CCDC3: variants seen among roughly 807,000 people sequenced by gnomAD.
CCDC3 encodes coiled-coil domain-containing protein 3.
Under a neutral mutation model 21.4 loss-of-function variants are expected in CCDC3, and 24 were observed. The observed-to-expected ratio is 1.12, with a 90% CI of 0.81 to 1.58. The LOEUF is 1.58. Ranked by LOEUF, CCDC3 falls within the 40% of genes most tolerant of loss-of-function variation. CCDC3 has a pLI of 0.00. For synonymous variants in CCDC3, 186 were observed against 166.0 expected (o/e 1.12, Z -0.93); for missense variants, 425 against 360.9 (o/e 1.18, Z -1.44).
intron 4 of CCDC3, among the ~76,000 whole-genome samples, chr10:13,052,985 CATACACACACACA>C (rs1836631886): frequency 2.5e-5 from 2 of 80,118 alleles, no homozygotes; most frequent in African/African-American, 1.0e-4. Flanking sequence ...CACACACACA[CATACACACACACA>C]CCTAGAAGTT....
At chr10:13,081,657 T>A (rs1837040473) in intron 3 of CCDC3, among the ~76,000 whole-genome samples, 1 of 152,224 alleles carries the variant, frequency 6.6e-6, no homozygotes, top group Admixed American at 6.5e-5. Flanking sequence ...TTACTACTTT[T>A]AATGCCTGTT....
At chr10:12,957,629 T>C (rs954970855) in intron 2 of CCDC3, among the ~76,000 whole-genome samples, 7 of 152,286 alleles carry the variant, frequency 4.6e-5, no homozygotes, top group African/African-American at 7.2e-5. Context: ...GTCCTCACGA[T>C]AGTGAGAGTT....
intron 3 of CCDC3, among the ~76,000 whole-genome samples, chr10:13,091,690 C>A (rs1315633950): frequency 1.3e-5 from 2 of 152,126 alleles, no homozygotes; most frequent in Non-Finnish European, 2.9e-5. Flanking sequence ...GTTCTCTCCC[C>A]TCCATCTGCA....
intron 2 of CCDC3, among the ~76,000 whole-genome samples, chr10:12,941,198 A>G (rs1464223093): frequency 6.6e-5 from 10 of 152,212 alleles, no homozygotes; most frequent in Admixed American, 5.9e-4. Context: ...CCTCACTGCT[A>G]CACTCCCACC....
chr10:12,898,734 C>T (rs1015275419), intron 2 of CCDC3, 55 bp from the exon 3 acceptor site: 66 of 1,579,564 alleles, frequency 4.2e-5, no homozygotes, highest in Middle Eastern at 3.4e-4. Context: ...AACTGCGCTG[C>T]GGCCAGGGGA....
chr10:12,969,924 G>A (rs1374628751), intron 2 of CCDC3, among the ~76,000 whole-genome samples: 1 of 151,868 alleles, frequency 6.6e-6, no homozygotes, highest in Non-Finnish European at 1.5e-5. Flanking sequence ...TAGAAACAGA[G>A]GATAAGACAG....
chr10:12,899,154 C>T (rs1054171310), intron 2 of CCDC3, among the ~76,000 whole-genome samples: 5 of 152,076 alleles, frequency 3.3e-5, no homozygotes, highest in African/African-American at 1.2e-4. Flanking sequence ...CAAAAACAGA[C>T]TCTCTTTGCT....
intron 4 of CCDC3, among the ~76,000 whole-genome samples, chr10:13,063,925 G>C (rs529962101): frequency 1.3e-5 from 2 of 148,756 alleles, no homozygotes; most frequent in African/African-American, 2.5e-5. Flanking sequence ...TTTTTTTGTT[G>C]TTGTTGATGT....
At chr10:13,052,973 CA>C (rs1836630250) in intron 4 of CCDC3, among the ~76,000 whole-genome samples, 2 of 88,216 alleles carry the variant, frequency 2.3e-5, no homozygotes, top group African/African-American at 8.7e-5. Flanking sequence ...CACACACACA[CA>C]CACACACACA....
intron 2 of CCDC3, among the ~76,000 whole-genome samples, chr10:12,968,558 G>A (rs543645124): frequency 6.6e-6 from 1 of 152,186 alleles, no homozygotes; most frequent in African/African-American, 2.4e-5. Flanking sequence ...AAACTCATTT[G>A]TAAAAGTAAG....
chr10:13,036,474 G>A (rs2131415056), intron 5 of CCDC3, among the ~76,000 whole-genome samples: 1 of 152,074 alleles, frequency 6.6e-6, no homozygotes, highest in Admixed American at 6.6e-5. Flanking sequence ...CCTTATGTGT[G>A]CTTTTTTTGT....
chr10:12,921,502 G>A (rs181399882), intron 2 of CCDC3, among the ~76,000 whole-genome samples: 1 of 152,302 alleles, frequency 6.6e-6, no homozygotes, highest in South Asian at 2.1e-4. Flanking sequence ...TCTCTGACCA[G>A]TGCAAAAGCC....
chr10:12,908,190 C>G (rs774023743), intron 2 of CCDC3, among the ~76,000 whole-genome samples: 18 of 152,204 alleles, frequency 1.2e-4, no homozygotes, highest in Non-Finnish European at 1.9e-4. Context: ...CTCCAGGACA[C>G]TCGTCTCATT....
intron 2 of CCDC3, among the ~76,000 whole-genome samples, chr10:12,907,786 C>T (rs1446995087): frequency 6.6e-6 from 1 of 152,096 alleles, no homozygotes; most frequent in Non-Finnish European, 1.5e-5. Flanking sequence ...TGTTGACTAG[C>T]TTATTTTGTA....
intron 2 of CCDC3, among the ~76,000 whole-genome samples, chr10:12,971,800 C>T (rs1465160136): frequency 2.0e-5 from 3 of 152,180 alleles, no homozygotes; most frequent in Non-Finnish European, 4.4e-5. Context: ...ATTCTCCTTG[C>T]CTCAGCCTCC....
chr10:12,914,064 G>C (rs1233097615), intron 2 of CCDC3, among the ~76,000 whole-genome samples: 1 of 152,090 alleles, frequency 6.6e-6, no homozygotes, highest in Non-Finnish European at 1.5e-5. Flanking sequence ...TAGTGTTTTT[G>C]TCTGCTTTTA....
chr10:13,025,629 C>T (rs17152713), intron 5 of CCDC3, among the ~76,000 whole-genome samples: 4,456 of 152,286 alleles, frequency 0.029, 135 homozygotes, highest in Admixed American at 0.1. Context: ...ATGTTGTCTA[C>T]GGTGACATTT....
At chr10:12,982,191 C>T (rs1302656797) in intron 2 of CCDC3, among the ~76,000 whole-genome samples, 3 of 147,410 alleles carry the variant, frequency 2.0e-5, no homozygotes, top group Non-Finnish European at 4.5e-5. Context: ...CATGGTCACA[C>T]GCTGCAACGT....
intron 2 of CCDC3, among the ~76,000 whole-genome samples, chr10:12,958,716 C>T (rs569159982): frequency 6.6e-6 from 1 of 152,284 alleles, no homozygotes; most frequent in South Asian, 2.1e-4. Context: ...GACCATGAGG[C>T]CACTGAAGCT....
Sources: gnomAD v4.1 joint callset for allele counts (sites outside exome capture counted in the v4.1 genomes callset) on GRCh38, gnomAD v4.1.1 for gene constraint, MANE v1.5 for transcripts, NCBI Gene and HGNC (gene_info 2026-07-23, HGNC 2026-07-21) for gene names.